ASAP2: variants seen among roughly 807,000 people sequenced by gnomAD.
ASAP2 encodes ArfGAP with SH3 domain, ankyrin repeat and PH domain 2, also known as arf-GAP with SH3 domain, ANK repeat and PH domain-containing protein 2.
Under a neutral mutation model 131.4 loss-of-function variants are expected in ASAP2, and 45 were observed. The observed-to-expected ratio is 0.34, with a 90% CI of 0.27 to 0.44. The LOEUF (loss-of-function observed/expected upper bound fraction) is 0.44, where lower values mean the gene tolerates loss of function less well. Ranked by LOEUF, ASAP2 falls within the 20% of genes least tolerant of loss-of-function variation. ASAP2 has a pLI of 1.00. For missense variants in ASAP2, 1,011 were observed against 1,297.0 expected (o/e 0.78, Z 3.39); for synonymous variants, 510 against 503.0 (o/e 1.01, Z -0.19).
chr2:9,381,146 G>A (rs752470049), intron 20 of ASAP2, among the ~76,000 whole-genome samples: 4 of 152,192 alleles, frequency 2.6e-5, no homozygotes, highest in Non-Finnish European at 5.9e-5. Flanking sequence ...CTGTTTACTT[G>A]CTACTTTGCA....
In ASAP2 at chr2:9,294,737, G is replaced by A. The variant is rs142852762; in HGVS notation, c.200-2563G>A. ...CTCCTCTTGGTTTGAGGGACACCACGAGGCTGCATAGAGTCTTCAGCTTCT... is the reference window on the plus strand; with the variant it reads ...CTCCTCTTGGTTTGAGGGACACCACAAGGCTGCATAGAGTCTTCAGCTTCT... On this transcript the variant is annotated intron_variant, in intron 2 of 27. Transcript: ENST00000281419. Among the ~76,000 whole-genome samples, 7 of 152,300 alleles carry A rather than the reference G, an allele frequency of 4.6e-5. No individual in the cohort carries two copies. The East Asian group carries it at 9.7e-4, about 21-fold the overall frequency.
intron 9 of ASAP2, among the ~76,000 whole-genome samples, chr2:9,339,204 C>T (rs551962642): frequency 2.6e-5 from 4 of 152,084 alleles, no homozygotes; most frequent in Non-Finnish European, 4.4e-5. Flanking sequence ...AAACTGGGGA[C>T]GGGGCAGGAG....
chr2:9,346,435 C>CAA lies in ASAP2; in HGVS notation c.1023+1650_1023+1651dup, dbSNP rs879767444. 6.3e-3 allele frequency among the ~76,000 whole-genome samples: 622 copies of CAA among 98,064 alleles called. 5 individuals carry two copies. Among genetic ancestry groups the CAA allele is most frequent in the African/African-American group, 0.022 (602 of 27,234 alleles). The allele number at this position is 98,064 out of a possible 152,430, so 64.3% of individuals were successfully genotyped here. A position where few individuals can be genotyped will look rare whatever the true frequency, so the allele number is the denominator to read the frequency against. ...TGGGAGACAGAGCAAGACTCCATCT[C>CAA]AAAAAAAAAAAAAAAAGCCATTCTT... On this transcript the variant is annotated intron_variant, in intron 11 of 27. Transcript: ENST00000281419.
intron 1 of ASAP2, among the ~76,000 whole-genome samples, chr2:9,265,707 CAA>C (rs757621065): frequency 1.8e-4 from 27 of 151,818 alleles, no homozygotes; most frequent in Non-Finnish European, 3.5e-4. Context: ...TTTGCTTTTA[CAA>C]TTTGTGTGTG....
chr2:9,397,727 G>GAGATATATATAT lies in ASAP2; in HGVS notation c.2685-2295_2685-2294insGATATATATATA, dbSNP rs897153464. Among the ~76,000 whole-genome samples, 60 of 83,518 alleles carry GAGATATATATAT rather than the reference G, an allele frequency of 7.2e-4. 6 individuals carry two copies. The highest frequency in any genetic ancestry group is 4.4e-3 in the African/African-American group (57 of 12,982). 54.8% of individuals were successfully genotyped at this position (83,518 alleles called of 152,430 possible). ...TTGGTTGGGAAAAAAAAATCAAAAG[G>GAGATATATATAT]ATATATATATATATATATATATATT... is the stretch of plus-strand genomic sequence containing the variant. On this transcript the variant is annotated intron_variant, in intron 24 of 27. Transcript: ENST00000281419.
In ASAP2 at chr2:9,356,243, A is replaced by T. The variant is rs749063387; in HGVS notation, c.1225A>T (p.Asn409Tyr). ...ALNNAFKGDD[N>Y]TGENNIVQEL... ...AAACAATGCATTTAAGGGGGATGACAATACTGGAGAAAATAACATCGTCCA... is the reference window on the plus strand; with the variant it reads ...AAACAATGCATTTAAGGGGGATGACTATACTGGAGAAAATAACATCGTCCA... The change falls in exon 14 of 28, where the codon AAT becomes TAT. Residue 409 changes from asparagine to tyrosine, a missense_variant. Asn to Tyr is a moderately radical substitution (Grantham distance 143). Around this residue, in one of 2 missense-constraint regions of ASAP2, gnomAD observed 359 missense variants for 598.1 expected, o/e 0.60. Coordinates refer to ENST00000281419, the MANE Select transcript of ASAP2 (RefSeq NM_003887.3). The T allele has an allele frequency of 9.9e-6, 16 of 1,614,050 alleles. No individual in the cohort carries two copies. The African/African-American group carries it at 2.1e-4, about 22-fold the overall frequency.
rs1558410973 is a variant in ASAP2, at chr2:9,404,548, A to G, written c.*1221A>G. ...TAATTGCGAGGGTAAGATTCATAGT[A>G]GGAATATTGGAAATTTTGGCACTCT... On this transcript the variant is annotated 3_prime_UTR_variant, in exon 28 of 28. Coordinates refer to ENST00000281419, the MANE Select transcript of ASAP2 (RefSeq NM_003887.3). The G allele has an allele frequency of 6.6e-6, 1 of 152,440 alleles. No individual in the cohort carries two copies. The highest frequency in any genetic ancestry group is 2.4e-5 in the African/African-American group (1 of 41,462). The allele number at this position is 152,440 out of a possible 1,614,324, so 9.4% of individuals were successfully genotyped here. A position where few individuals can be genotyped will look rare whatever the true frequency, so the allele number is the denominator to read the frequency against.
At position 9,403,425 on chromosome 2, in the gene ASAP2, C is replaced by G; in HGVS notation, c.*98C>G. ...CCAGTTTCATGAACTGTTTGTATGG[C>G]AGCCCATGTTCTCTAATGCCACTGC... On this transcript the variant is annotated 3_prime_UTR_variant, in exon 28 of 28. Transcript: ENST00000281419. 1 of 1,167,174 alleles carries G rather than the reference C, an allele frequency of 8.6e-7. No homozygotes were observed. 72.3% of individuals were successfully genotyped at this position (1,167,174 alleles called of 1,614,324 possible). A position where few individuals can be genotyped will look rare whatever the true frequency, so the allele number is the denominator to read the frequency against.
intron 1 of ASAP2, among the ~76,000 whole-genome samples, chr2:9,243,131 C>T (rs1309227442): frequency 1.3e-5 from 2 of 152,116 alleles, no homozygotes; most frequent in Non-Finnish European, 2.9e-5. Context: ...TTTTTTGAGA[C>T]GGAGTCTTGC....
At chr2:9,300,296 G>A (rs1254402909) in intron 3 of ASAP2, among the ~76,000 whole-genome samples, 1 of 152,206 alleles carries the variant, frequency 6.6e-6, no homozygotes, top group African/African-American at 2.4e-5. Context: ...GCCTAGGCAG[G>A]CCCACTTGGA....
intron 2 of ASAP2, among the ~76,000 whole-genome samples, chr2:9,290,356 C>T (rs1375216935): frequency 1.3e-5 from 2 of 152,090 alleles, no homozygotes; most frequent in African/African-American, 4.8e-5. Flanking sequence ...ATTACAGACA[C>T]CTGCCACCAC....
At chr2:9,284,012 C>T (rs1355162972) in intron 2 of ASAP2, among the ~76,000 whole-genome samples, 1 of 152,226 alleles carries the variant, frequency 6.6e-6, no homozygotes, top group Non-Finnish European at 1.5e-5. Flanking sequence ...AACACTGACT[C>T]TTCTGCCTCC....
At chr2:9,208,412 T>G (rs543031351) in intron 1 of ASAP2, among the ~76,000 whole-genome samples, 246 of 122,734 alleles carry the variant, frequency 2.0e-3, no homozygotes, top group African/African-American at 8.3e-3. Context: ...TTTTTTCTGG[T>G]TTTTTTTTTT....
At chr2:9,384,760 A>G (rs987147974) in intron 20 of ASAP2, among the ~76,000 whole-genome samples, 9 of 152,234 alleles carry the variant, frequency 5.9e-5, no homozygotes, top group African/African-American at 2.2e-4. Context: ...GTGGTTTGCC[A>G]TCCTGAAGCT....
chr2:9,249,897 A>G (rs1200209306), intron 1 of ASAP2, among the ~76,000 whole-genome samples: 2 of 152,176 alleles, frequency 1.3e-5, no homozygotes, highest in Non-Finnish European at 2.9e-5. Context: ...CCTGCTCAGG[A>G]TCTGTGAGAA....
In ASAP2 at chr2:9,250,604, A is replaced by G. The variant is rs565758550; in HGVS notation, c.127-28713A>G. On this transcript the variant is annotated intron_variant, in intron 1 of 27. Transcript: ENST00000281419. Reference sequence around the variant, plus strand: ...CAAATGCAGTGTGGTGTGCTCTTTCATTTAAGCCGAGGCCACAAGTAACTA... The same window carrying G: ...CAAATGCAGTGTGGTGTGCTCTTTCGTTTAAGCCGAGGCCACAAGTAACTA... 2.6e-4 allele frequency among the ~76,000 whole-genome samples: 40 copies of G among 152,250 alleles called. 1 individual carries two copies. The highest frequency in any genetic ancestry group is 7.7e-4 in the African/African-American group (32 of 41,520).
intron 2 of ASAP2, among the ~76,000 whole-genome samples, chr2:9,296,409 C>T (rs1236477010): frequency 6.6e-6 from 1 of 152,194 alleles, no homozygotes; most frequent in Non-Finnish European, 1.5e-5. Context: ...TCCATGCATG[C>T]ATTTGGCGTC....
chr2:9,362,507 C>T (rs2148669319), intron 15 of ASAP2, among the ~76,000 whole-genome samples: 1 of 152,224 alleles, frequency 6.6e-6, no homozygotes. Flanking sequence ...ATATCTGTCA[C>T]CTCACATGCT....
At chr2:9,242,094 C>T (rs1034643041) in intron 1 of ASAP2, among the ~76,000 whole-genome samples, 4 of 152,112 alleles carry the variant, frequency 2.6e-5, no homozygotes, top group Non-Finnish European at 5.9e-5. Flanking sequence ...CACAGGCGTT[C>T]GTTGTGTTTG....
Sources: allele counts gnomAD v4.1 joint callset (sites outside exome capture counted in the v4.1 genomes callset), GRCh38; gene constraint gnomAD v4.1.1; regional missense constraint gnomAD v4.1.1; transcripts MANE v1.5; gene names NCBI Gene and HGNC (gene_info 2026-07-23, HGNC 2026-07-21).